The following CDH18 variants were observed in gnomAD, a reference collection of about 807,000 sequenced individuals.
CDH18 encodes the protein cadherin 18.
CDH18 carries 31 observed loss-of-function variants against 67.9 expected under a neutral mutation model. The ratio of observed to expected loss-of-function variants is 0.46; its 90% CI spans 0.34 to 0.62. The LOEUF is 0.62. CDH18 is among the 20% of genes least tolerant of loss of function. The pLI, the probability that CDH18 is intolerant of heterozygous loss-of-function variation, is 0.01. For synonymous variants in CDH18, 362 were observed against 347.2 expected, an observed-to-expected ratio of 1.04 and a Z score of -0.48; for missense variants, 890 against 975.5, an observed-to-expected ratio of 0.91 and a Z score of 1.17.
At chr5:19,964,466 C>T (rs1180244496) in intron 2 of CDH18, among the ~76,000 whole-genome samples, 3 of 149,618 alleles carry the variant, frequency 2.0e-5, no homozygotes, top group Non-Finnish European at 4.4e-5. Flanking sequence ...GGTGTGGTGG[C>T]ATGTGCCTGT....
At chr5:20,197,852 C>T (rs1739106926) in intron 2 of CDH18, among the ~76,000 whole-genome samples, 1 of 152,114 alleles carries the variant, frequency 6.6e-6, no homozygotes, top group African/African-American at 2.4e-5. Context: ...CTCTGTGTCC[C>T]CACTCAAATC....
rs146183985 is a variant in CDH18, at chr5:20,567,919, A to C, written c.-580+7543T>G. On this transcript the variant is annotated intron_variant, in intron 1 of 14. Coordinates refer to the CDH18 transcript ENST00000507958. Reference sequence around the variant, plus strand: ...GTCATATTTAGGACTTGTTCAGCAAATTTTTCTTGGATGCTTAAATGAAGG... The same window carrying C: ...GTCATATTTAGGACTTGTTCAGCAACTTTTTCTTGGATGCTTAAATGAAGG... Among the ~76,000 whole-genome samples, 386 of 152,154 alleles carry C rather than the reference A, an allele frequency of 2.5e-3. 1 individual carries two copies. Among genetic ancestry groups the C allele is most frequent in the Non-Finnish European group, 4.0e-3 (275 of 68,008 alleles).
chr5:19,868,246 T>A (rs966392129), intron 2 of CDH18, among the ~76,000 whole-genome samples: 2 of 152,182 alleles, frequency 1.3e-5, no homozygotes, highest in African/African-American at 2.4e-5. Context: ...CAAAGTTTCC[T>A]CTATCCCTCT....
At chr5:20,304,185 T>G (rs2149974088) in intron 1 of CDH18, 1 of 1,523,244 alleles carries the variant, frequency 6.6e-7, no homozygotes, top group Admixed American at 1.7e-5. Flanking sequence ...ATAAAAACGT[T>G]ATTTTTCCCT....
Position 19,857,249 on chromosome 5 carries a change from TAA to T in CDH18, c.-256-18009_-256-18008del, listed in dbSNP as rs5866402. ...TGTCTCTAAAATAATAAACGAATAC[TAA>T]AAAAAAAAAAAAAAGTTGAAGCAAT... is the stretch of plus-strand genomic sequence containing the variant. On this transcript the variant is annotated intron_variant, in intron 2 of 12. Transcript: ENST00000382275. Among the ~76,000 whole-genome samples the T allele has an allele frequency of 3.1e-3, 432 of 139,362 alleles. 1 individual carries two copies. Among genetic ancestry groups the T allele is most frequent in the South Asian group, 8.7e-3 (38 of 4,358 alleles). The allele number at this position is 139,362 out of a possible 152,430, so 91.4% of individuals were successfully genotyped here. A position where few individuals can be genotyped will look rare whatever the true frequency, so the allele number is the denominator to read the frequency against.
intron 8 of CDH18, among the ~76,000 whole-genome samples, chr5:19,570,184 A>G (rs1741149908): frequency 6.6e-6 from 1 of 152,084 alleles, no homozygotes; most frequent in South Asian, 2.1e-4. Flanking sequence ...ATGGCATTCT[A>G]TGGAATGTTG....
chr5:20,289,398 T>C (rs1210063577), intron 1 of CDH18, among the ~76,000 whole-genome samples: 1 of 152,164 alleles, frequency 6.6e-6, no homozygotes, highest in African/African-American at 2.4e-5. Flanking sequence ...TTATTCCTCA[T>C]ACCTACAAAT....
chr5:19,507,757 G>T (rs189839814), intron 10 of CDH18, among the ~76,000 whole-genome samples: 21 of 152,208 alleles, frequency 1.4e-4, no homozygotes, highest in Admixed American at 9.2e-4. Flanking sequence ...GCCTGTTGTG[G>T]GTTGGGAGGA....
intron 2 of CDH18, chr5:19,878,092 T>C (rs940410290): frequency 6.6e-6 from 1 of 152,090 alleles, no homozygotes; most frequent in Admixed American, 6.6e-5. Context: ...TTTGAAAACC[T>C]AGGTGGATAA....
Position 19,557,237 on chromosome 5 carries a change from CA to C in CDH18, c.1254-13233del, listed in dbSNP as rs371449171. Among the ~76,000 whole-genome samples, 92 of 151,658 alleles carry C rather than the reference CA, an allele frequency of 6.1e-4. 1 individual carries two copies. The highest frequency in any genetic ancestry group is 2.0e-3 in the African/African-American group (83 of 41,398). On this transcript the variant is annotated intron_variant, in intron 8 of 12. Coordinates refer to ENST00000382275, the MANE Select transcript of CDH18 (RefSeq NM_004934.5). ...AAAACAACAACACAATGAAATAAAC[CA>C]AGGTATTCAGGCAAAAGATAGTATA...
chr5:20,535,954 C>T (rs1756691581), intron 1 of CDH18, among the ~76,000 whole-genome samples: 1 of 152,196 alleles, frequency 6.6e-6, no homozygotes, highest in Non-Finnish European at 1.5e-5. Context: ...TGCTACACTG[C>T]ATCCGAGGAA....
intron 5 of CDH18, among the ~76,000 whole-genome samples, chr5:19,718,705 G>A (rs1398892141): frequency 6.6e-6 from 1 of 151,898 alleles, no homozygotes; most frequent in Admixed American, 6.6e-5. Flanking sequence ...GATATCCATA[G>A]GTTCCCATGA....
At chr5:20,230,182 A>G (rs573365505) in intron 2 of CDH18, among the ~76,000 whole-genome samples, 6 of 152,220 alleles carry the variant, frequency 3.9e-5, no homozygotes, top group Non-Finnish European at 7.4e-5. Context: ...TAATAATTGC[A>G]TGTGTATAAC....
chr5:20,437,428 T>C (rs972164898), intron 1 of CDH18, among the ~76,000 whole-genome samples: 1 of 151,426 alleles, frequency 6.6e-6, no homozygotes, highest in Non-Finnish European at 1.5e-5. Context: ...GAGAGAAAGT[T>C]ACTAGATGAA....
At chr5:19,692,828 C>A (rs1762070622) in intron 5 of CDH18, among the ~76,000 whole-genome samples, 1 of 151,164 alleles carries the variant, frequency 6.6e-6, no homozygotes, top group Admixed American at 6.6e-5. Flanking sequence ...ATGGAAATTT[C>A]CCAGAAAAAA....
Position 19,755,464 on chromosome 5 carries a change from C to CATATATATATAT in CDH18, c.229-8229_229-8228insATATATATATAT, listed in dbSNP as rs55768284. 5.3e-3 allele frequency among the ~76,000 whole-genome samples: 428 copies of CATATATATATAT among 81,486 alleles called. 37 individuals are homozygous for CATATATATATAT. The highest frequency in any genetic ancestry group is 0.014 in the South Asian group (35 of 2,456). The allele number at this position is 81,486 out of a possible 152,430, so 53.5% of individuals were successfully genotyped here. ...ATATATATATATATATATATACACA[C>CATATATATATAT]ACACACACACATACATAGATATATA... On this transcript the variant is annotated intron_variant, in intron 3 of 12. Transcript: ENST00000382275.
chr5:19,560,832 CA>C (rs1739321664), intron 8 of CDH18, among the ~76,000 whole-genome samples: 1 of 151,812 alleles, frequency 6.6e-6, no homozygotes, highest in Admixed American at 6.6e-5. Flanking sequence ...AAAATCCCAT[CA>C]AAAAGTGGGC....
intron 11 of CDH18, among the ~76,000 whole-genome samples, chr5:19,495,041 G>T (rs917836932): frequency 6.6e-6 from 1 of 152,086 alleles, no homozygotes; most frequent in Non-Finnish European, 1.5e-5. Flanking sequence ...TCTTTGGGAA[G>T]AATTCTTTGG....
intron 2 of CDH18, among the ~76,000 whole-genome samples, chr5:20,147,669 C>A (rs1750763321): frequency 6.6e-6 from 1 of 151,916 alleles, no homozygotes; most frequent in East Asian, 1.9e-4. Flanking sequence ...AGATATTTTA[C>A]CTGCAATTAA....
Sources: allele counts gnomAD v4.1 joint callset (sites outside exome capture counted in the v4.1 genomes callset), GRCh38; gene constraint gnomAD v4.1.1; transcripts MANE v1.5; gene names NCBI Gene and HGNC (gene_info 2026-07-23, HGNC 2026-07-21).